The following ENTHD1 variants were observed in gnomAD, a reference collection of about 807,000 sequenced individuals.
The protein encoded by ENTHD1 is ENTH domain-containing protein 1.
A neutral mutation model predicts 39.1 loss-of-function variants in ENTHD1; 23 were observed. The ratio of observed to expected loss-of-function variants is 0.59; its 90% CI spans 0.42 to 0.83. ENTHD1 has a LOEUF of 0.83. Among genes scored for constraint, ENTHD1 ranks in the 40% least tolerant of loss-of-function variants. The pLI, the probability that ENTHD1 is intolerant of heterozygous loss-of-function variation, is 0.00. For synonymous variants in ENTHD1, 230 were observed against 258.2 expected, an observed-to-expected ratio of 0.89 and a Z score of 1.05; for missense variants, 624 against 705.4, an observed-to-expected ratio of 0.88 and a Z score of 1.31.
At chr22:39,785,186 T>C (rs989130147) in intron 5 of ENTHD1, among the ~76,000 whole-genome samples, 3 of 151,950 alleles carry the variant, frequency 2.0e-5, no homozygotes, top group African/African-American at 4.8e-5. Flanking sequence ...AGATAGAAAA[T>C]ATGGAAGCTG....
At position 39,867,955 on chromosome 22, in the gene ENTHD1, G is replaced by GGGCAAA; in HGVS notation, c.350-5949_350-5948insTTTGCC. On this transcript the variant is annotated intron_variant, in intron 2 of 6. Transcript: ENST00000325157. The surrounding 1 kb of genome is among the most constrained non-coding windows in gnomAD (Gnocchi z 4.5). ...TATAACAGAAATGAAAAAGCAGTGA[G>GGGCAAA]CGAGGCTGAAGCCAAGGGCTGCTGG... Among the ~76,000 whole-genome samples the GGGCAAA allele has an allele frequency of 6.6e-6, 1 of 152,178 alleles. No individual in the cohort carries two copies. Among genetic ancestry groups the GGGCAAA allele is most frequent in the East Asian group, 1.9e-4 (1 of 5,200 alleles).
chr22:39,846,245 G>A (rs2065987621), intron 3 of ENTHD1, among the ~76,000 whole-genome samples: 1 of 152,188 alleles, frequency 6.6e-6, no homozygotes, highest in Non-Finnish European at 1.5e-5. Context: ...CTGTCACCCA[G>A]ATTAGAGTGC....
In ENTHD1 at chr22:39,827,253, G is replaced by C. The variant is rs1449469652; in HGVS notation, c.712-6140C>G. On this transcript the variant is annotated intron_variant, in intron 4 of 6. Transcript: ENST00000325157. ...GATGGTCTCGATCTTCTGACCTCGT[G>C]ATCCACCCGCCTCAGCCTCTCAAAG... Among the ~76,000 whole-genome samples, 4 of 152,144 alleles carry C rather than the reference G, an allele frequency of 2.6e-5. No individual in the cohort carries two copies. In the South Asian group the frequency reaches 6.2e-4, roughly 24 times the overall value.
chr22:39,831,774 C>T (rs1028996026), intron 4 of ENTHD1, among the ~76,000 whole-genome samples: 2 of 151,402 alleles, frequency 1.3e-5, no homozygotes, highest in Non-Finnish European at 2.9e-5. Flanking sequence ...TGCAGTGAGC[C>T]GAGATCATGC....
At chr22:39,745,299 C>G (rs769033244) in intron 6 of ENTHD1, among the ~76,000 whole-genome samples, 3 of 152,074 alleles carry the variant, frequency 2.0e-5, no homozygotes, top group African/African-American at 7.2e-5. Flanking sequence ...TCTGAACTTA[C>G]TACTTAAAAA....
chr22:39,805,810 T>G (rs865872141), intron 5 of ENTHD1, among the ~76,000 whole-genome samples: 7 of 151,154 alleles, frequency 4.6e-5, no homozygotes, highest in South Asian at 2.1e-4. Context: ...GGTTTGTTTG[T>G]TTTTTTTTGA....
intron 6 of ENTHD1, among the ~76,000 whole-genome samples, chr22:39,758,210 G>T (rs985726879): frequency 6.6e-6 from 1 of 151,946 alleles, no homozygotes. Flanking sequence ...TATCATCTTC[G>T]AATAAAAACA....
intron 5 of ENTHD1, among the ~76,000 whole-genome samples, chr22:39,779,723 C>A (rs1027979062): frequency 1.3e-5 from 2 of 152,058 alleles, no homozygotes; most frequent in Non-Finnish European, 2.9e-5. Flanking sequence ...TTGCCATCTG[C>A]TAAGAGATGG....
intron 5 of ENTHD1, among the ~76,000 whole-genome samples, chr22:39,810,332 T>C (rs185497767): frequency 2.0e-5 from 3 of 152,302 alleles, no homozygotes; most frequent in South Asian, 2.1e-4. Context: ...AGGTGACACA[T>C]GAAGTCTTGG....
intron 4 of ENTHD1, among the ~76,000 whole-genome samples, chr22:39,824,479 G>T (rs1281787332): frequency 6.6e-6 from 1 of 152,008 alleles, no homozygotes; most frequent in Non-Finnish European, 1.5e-5. Flanking sequence ...AAAGTGCGGG[G>T]ATTACAGGGG....
rs750053410 is a variant in ENTHD1, at chr22:39,765,527, T to C, written c.915A>G (p.Thr305=). 2.0e-5 allele frequency: 33 copies of C among 1,613,798 alleles called. No individual in the cohort carries two copies. The East Asian group carries it at 6.7e-4, about 33-fold the overall frequency. ...CCAAGAGGTTTTCTGTGACAGTATT[T>C]GTAAAGATACCATCTGATCTCTTGT... ...SLDKRSDGIF[T]NTVTENLLET... The change falls in exon 6 of 7, where the codon ACA becomes ACG. Residue 305 remains threonine, a synonymous_variant. Transcript: ENST00000325157.
intron 2 of ENTHD1, among the ~76,000 whole-genome samples, chr22:39,883,306 A>G (rs988097055): frequency 2.0e-5 from 3 of 152,208 alleles, no homozygotes; most frequent in East Asian, 1.9e-4. Context: ...GCTAAGATCA[A>G]TTGTTAGGGA....
intron 2 of ENTHD1, chr22:39,875,580 T>C (rs2066282301): frequency 1.2e-6 from 2 of 1,611,652 alleles, no homozygotes; most frequent in African/African-American, 2.7e-5. Context: ...CTTGAAGTTT[T>C]AGATAGTACG....
At chr22:39,776,759 T>C (rs955406715) in intron 5 of ENTHD1, among the ~76,000 whole-genome samples, 6 of 152,200 alleles carry the variant, frequency 3.9e-5, no homozygotes, top group Admixed American at 2.0e-4. Flanking sequence ...AAGAATACTT[T>C]TGCCAGTTTG....
At chr22:39,780,055 GT>G (rs1293775331) in intron 5 of ENTHD1, among the ~76,000 whole-genome samples, 2 of 152,104 alleles carry the variant, frequency 1.3e-5, no homozygotes, top group Non-Finnish European at 2.9e-5. Flanking sequence ...CAAAATAGAA[GT>G]ACTAACTCCT....
At chr22:39,785,265 T>A (rs1447829478) in intron 5 of ENTHD1, among the ~76,000 whole-genome samples, 1 of 152,194 alleles carries the variant, frequency 6.6e-6, no homozygotes, top group African/African-American at 2.4e-5. Context: ...CCTCCTCAAG[T>A]CTGAGTACCT....
At chr22:39,862,588 C>A (rs1055886955) in intron 2 of ENTHD1, among the ~76,000 whole-genome samples, 5 of 150,210 alleles carry the variant, frequency 3.3e-5, no homozygotes, top group African/African-American at 1.2e-4. Flanking sequence ...TAATACTTTG[C>A]AATAATCAAA....
chr22:39,793,429 C>T (rs1360594639), intron 5 of ENTHD1, among the ~76,000 whole-genome samples: 1 of 151,676 alleles, frequency 6.6e-6, no homozygotes, highest in Non-Finnish European at 1.5e-5. Context: ...ATATTTTCTC[C>T]TATTCAACAG....
At chr22:39,890,656 T>C (rs2066419592) in intron 1 of ENTHD1, among the ~76,000 whole-genome samples, 1 of 152,248 alleles carries the variant, frequency 6.6e-6, no homozygotes, top group Admixed American at 6.5e-5. Context: ...AAATGAATTT[T>C]CTAACCCAGA....
Sources: allele counts gnomAD v4.1 joint callset (sites outside exome capture counted in the v4.1 genomes callset), GRCh38; gene constraint gnomAD v4.1.1; non-coding constraint Gnocchi (gnomAD v3.1); transcripts MANE v1.5; gene names NCBI Gene and HGNC (gene_info 2026-07-23, HGNC 2026-07-21).